The following CCN4 variants were observed in gnomAD, a reference collection of about 807,000 sequenced individuals.
CCN4 encodes cellular communication network factor 4.
Under a neutral mutation model 36.7 loss-of-function variants are expected in CCN4, and 30 were observed. That is an observed-to-expected ratio of 0.82 (90% CI 0.61 to 1.11). The LOEUF (loss-of-function observed/expected upper bound fraction) is 1.11, where lower values mean the gene tolerates loss of function less well. Ranked by LOEUF, CCN4 falls within the 50% of genes least tolerant of loss-of-function variation. The probability of loss-of-function intolerance (pLI) is 0.00; values close to 1 mark genes in which losing one functional copy is unlikely to be tolerated. For missense variants in CCN4, 505 were observed against 504.9 expected (o/e 1.00, Z 0.00); for synonymous variants, 191 against 195.4 (o/e 0.98, Z 0.19).
intron 2 of CCN4, among the ~76,000 whole-genome samples, chr8:133,216,129 A>C (rs780851789): frequency 3.2e-4 from 48 of 152,110 alleles, no homozygotes; most frequent in Non-Finnish European, 6.2e-4. Flanking sequence ...AATTCATGAG[A>C]CCCTAATGCA....
In CCN4 at chr8:133,220,731, G is replaced by A. The variant is rs774526617; in HGVS notation, c.500G>A (p.Cys167Tyr). Residue 167 changes from cysteine (C) to tyrosine (Y), a missense_variant, in exon 3 of 5, where the codon TGC becomes TAC. Coordinates refer to ENST00000250160, the MANE Select transcript of CCN4 (RefSeq NM_003882.4). ...CLRVRPPRLWCPHPRRVSIPG... is the reference protein window; with the variant it reads ...CLRVRPPRLWYPHPRRVSIPG... ...CGAGTGCGCCCCCCGCGTCTCTGGT[G>A]CCCCCACCCGCGGCGCGTGAGCATA... The A allele has an allele frequency of 1.2e-5, 20 of 1,613,514 alleles. No homozygotes were observed. The highest frequency in any genetic ancestry group is 2.2e-5 in the East Asian group (1 of 44,880).
intron 1 of CCN4, among the ~76,000 whole-genome samples, chr8:133,210,386 G>GGTGGGT (rs1853965761): frequency 6.9e-6 from 1 of 145,588 alleles, no homozygotes; most frequent in African/African-American, 2.6e-5. Flanking sequence ...CAAAAAGAGG[G>GGTGGGT]GTGTGTGTGT....
chr8:133,192,980 G>A (rs1406791996), intron 1 of CCN4, among the ~76,000 whole-genome samples: 1 of 152,190 alleles, frequency 6.6e-6, no homozygotes. Context: ...CCCCTGCCTG[G>A]GGAACCCAGA....
At chr8:133,210,868 G>C (rs893727111) in intron 1 of CCN4, among the ~76,000 whole-genome samples, 1 of 152,198 alleles carries the variant, frequency 6.6e-6, no homozygotes, top group African/African-American at 2.4e-5. Context: ...CCAGAGAAAG[G>C]GGCCCCAGGT....
intron 1 of CCN4, among the ~76,000 whole-genome samples, chr8:133,191,981 C>T (rs866454458): frequency 4.6e-5 from 7 of 152,238 alleles, no homozygotes; most frequent in Admixed American, 2.0e-4. Flanking sequence ...ACATATGTGA[C>T]CGTGTAGAGC....
chr8:133,203,074 C>T (rs895670214), intron 1 of CCN4, among the ~76,000 whole-genome samples: 1 of 152,210 alleles, frequency 6.6e-6, no homozygotes. Context: ...CTCAACCCTG[C>T]CCCCTGGTGG....
intron 2 of CCN4, among the ~76,000 whole-genome samples, 184 bp from the exon 3 acceptor site, chr8:133,220,393 CCAAA>C (rs770135319): frequency 3.5e-4 from 54 of 152,206 alleles, no homozygotes; most frequent in Non-Finnish European, 7.1e-4. Context: ...TGAAGTTCCA[CCAAA>C]CACTCAGCCC....
intron 1 of CCN4, among the ~76,000 whole-genome samples, chr8:133,208,501 C>A (rs1440380459): frequency 1.3e-5 from 2 of 152,166 alleles, no homozygotes. Flanking sequence ...CAGCCCAAAC[C>A]AAGGCATTCA....
At chr8:133,221,802 T>C (rs557629467) in intron 3 of CCN4, among the ~76,000 whole-genome samples, 5 of 151,714 alleles carry the variant, frequency 3.3e-5, no homozygotes, top group Admixed American at 2.6e-4. Context: ...GATGGATGAA[T>C]TGATAAATGG....
At chr8:133,208,577 T>C (rs1564256994) in intron 1 of CCN4, among the ~76,000 whole-genome samples, 2 of 152,330 alleles carry the variant, frequency 1.3e-5, no homozygotes, top group East Asian at 3.9e-4. Flanking sequence ...CGCCTCCTCC[T>C]GCCTCCACCC....
Position 133,225,479 on chromosome 8 carries a change from G to T in CCN4, c.700G>T (p.Val234Phe), listed in dbSNP as rs1854695029. ...TTGCTCCACCAGCTGCGGCCTGGGG[G>T]TCTCCACTCGGATCTCCAATGTTAA... ...SPCSTSCGLG[V>F]STRISNVNAQ... The change falls in exon 4 of 5, where the codon GTC becomes TTC. Residue 234 changes from valine (V) to phenylalanine (F), a missense_variant. Val to Phe is a conservative substitution (Grantham distance 50). Coordinates refer to ENST00000250160, the MANE Select transcript of CCN4 (RefSeq NM_003882.4). The T allele has an allele frequency of 1.2e-6, 2 of 1,613,966 alleles. No individual in the cohort carries two copies. The highest frequency in any genetic ancestry group is 2.2e-5 in the East Asian group (1 of 44,896).
rs184645734 is a variant in CCN4 at position 133,221,523 on chromosome 8, G to A, written c.610+682G>A. Among the ~76,000 whole-genome samples the A allele has an allele frequency of 2.0e-5, 3 of 152,132 alleles. No individual in the cohort carries two copies. The East Asian group carries it at 5.8e-4, about 29-fold the overall frequency. ...GAATGTATAAATAGATGAGTGGATG[G>A]ATAGATGACGGATGAATAGGTGGAT... On this transcript the variant is annotated intron_variant, in intron 3 of 4. Transcript: ENST00000250160.
At chr8:133,194,446 T>G (rs1588177074) in intron 1 of CCN4, among the ~76,000 whole-genome samples, 2 of 34,086 alleles carry the variant, frequency 5.9e-5, no homozygotes, top group Non-Finnish European at 4.6e-5. Context: ...GTGTGTGGTG[T>G]GTGTGTGGTA....
chr8:133,220,941 A>G, intron 3 of CCN4, 100 bp downstream of exon 3: 1 of 1,436,396 alleles, frequency 7.0e-7, no homozygotes, highest in Admixed American at 2.6e-5. Flanking sequence ...TCCCCAGTCC[A>G]CTACCTACTA....
chr8:133,203,062 GC>G (rs771385942), intron 1 of CCN4, among the ~76,000 whole-genome samples: 2 of 152,198 alleles, frequency 1.3e-5, no homozygotes, highest in Non-Finnish European at 2.9e-5. Flanking sequence ...GGCCATTCCT[GC>G]CTCAACCCTG....
rs972907822 is a variant in CCN4 at position 133,211,976 on chromosome 8, C to G, written c.70-888C>G. ...AGCTTGAAGCTCCTGCACTCAGACA[C>G]CCAGGCATCTCCATCTGCCGCTCCT... On this transcript the variant is annotated intron_variant, in intron 1 of 4. Coordinates refer to ENST00000250160, the MANE Select transcript of CCN4 (RefSeq NM_003882.4). Among the ~76,000 whole-genome samples, 19 of 152,324 alleles carry G rather than the reference C, an allele frequency of 1.2e-4. 1 individual carries two copies. The highest frequency in any genetic ancestry group is 4.1e-4 in the South Asian group (2 of 4,820).
intron 3 of CCN4, among the ~76,000 whole-genome samples, chr8:133,221,447 G>T (rs1413991562): frequency 6.6e-6 from 1 of 152,174 alleles, no homozygotes; most frequent in African/African-American, 2.4e-5. Context: ...TAGATGGGCG[G>T]GTGGATGGAT....
At position 133,220,589 on chromosome 8, in the gene CCN4, G is replaced by C; in HGVS notation, c.358G>C (p.Gly120Arg). ...YAIGVCAQVV[G>R]VGCVLDGVRY... ...GCCACCTGTGTTTGCAGAGGTGGTC[G>C]GTGTGGGCTGCGTCCTGGATGGGGT... is the stretch of plus-strand genomic sequence containing the variant. Residue 120 changes from glycine to arginine, a missense_variant, in exon 3 of 5, where the codon GGT (glycine) becomes CGT (arginine). Coordinates refer to ENST00000250160, the MANE Select transcript of CCN4 (RefSeq NM_003882.4). 6.2e-7 allele frequency: 1 copy of C among 1,612,492 alleles called. No homozygotes were observed. Among genetic ancestry groups the C allele is most frequent in the South Asian group, 1.1e-5 (1 of 91,040 alleles).
chr8:133,208,776 A>G (rs1853875431), intron 1 of CCN4, among the ~76,000 whole-genome samples: 1 of 151,884 alleles, frequency 6.6e-6, no homozygotes, highest in African/African-American at 2.4e-5. Context: ...CCCAGCACAC[A>G]CACAGCCCAG....
Sources: gnomAD v4.1 joint callset for allele counts (sites outside exome capture counted in the v4.1 genomes callset) on GRCh38, gnomAD v4.1.1 for gene constraint, MANE v1.5 for transcripts, NCBI Gene and HGNC (gene_info 2026-07-23, HGNC 2026-07-21) for gene names.